AHCYL2: variants seen among roughly 807,000 people sequenced by gnomAD.
The protein encoded by AHCYL2 is adenosylhomocysteinase like 2.
AHCYL2 carries 28 observed loss-of-function variants against 81.4 expected under a neutral mutation model. The ratio of observed to expected loss-of-function variants is 0.34; its 90% CI spans 0.25 to 0.47. AHCYL2 has a LOEUF of 0.47. Among genes scored for constraint, AHCYL2 ranks in the 20% least tolerant of loss-of-function variants. The pLI is 1.00. For missense variants in AHCYL2, 551 were observed against 785.1 expected (o/e 0.70, Z 3.56); for synonymous variants, 272 against 290.2 (o/e 0.94, Z 0.64).
chr7:129,240,606 T>A (rs1680171813), intron 1 of AHCYL2, among the ~76,000 whole-genome samples: 1 of 152,016 alleles, frequency 6.6e-6, no homozygotes, highest in Admixed American at 6.6e-5. Context: ...TTGTTTTCAG[T>A]TTGATGCACT....
At chr7:129,318,666 G>T (rs558948066) in intron 1 of AHCYL2, among the ~76,000 whole-genome samples, 1 of 152,170 alleles carries the variant, frequency 6.6e-6, no homozygotes, top group African/African-American at 2.4e-5. Flanking sequence ...AATATTAAAT[G>T]TAAGAAATGG....
intron 1 of AHCYL2, chr7:129,377,767 A>G (rs1053560406): frequency 2.4e-5 from 9 of 373,568 alleles, no homozygotes; most frequent in Admixed American, 6.5e-5. Context: ...TCCCCAAACA[A>G]GTATAGCTTA....
chr7:129,255,488 C>T (rs1795383267), intron 1 of AHCYL2, among the ~76,000 whole-genome samples: 1 of 152,160 alleles, frequency 6.6e-6, no homozygotes, highest in Non-Finnish European at 1.5e-5. Flanking sequence ...TGGTTAGTAA[C>T]TATCTATTGG....
chr7:129,292,504 C>T (rs1796902310), intron 1 of AHCYL2, among the ~76,000 whole-genome samples: 1 of 152,150 alleles, frequency 6.6e-6, no homozygotes, highest in South Asian at 2.1e-4. Flanking sequence ...CGGTGGCTCA[C>T]GCCTGTAATC....
chr7:129,403,541 A>C (rs1796130554), intron 7 of AHCYL2, 56 bp downstream of exon 7: 1 of 1,278,572 alleles, frequency 7.8e-7, no homozygotes, highest in African/African-American at 1.5e-5. Flanking sequence ...AAAATCTTAT[A>C]AACACATACC....
chr7:129,253,394 C>T (rs1190155954), intron 1 of AHCYL2, among the ~76,000 whole-genome samples: 4 of 152,046 alleles, frequency 2.6e-5, no homozygotes, highest in Admixed American at 6.6e-5. Context: ...TTAATTCTTA[C>T]GGTAGCACTG....
intron 1 of AHCYL2, among the ~76,000 whole-genome samples, chr7:129,241,849 C>T (rs759503364): frequency 6.6e-6 from 1 of 151,652 alleles, no homozygotes; most frequent in Non-Finnish European, 1.5e-5. Flanking sequence ...GAGACCCTAT[C>T]TCTATTTTTT....
rs921468121 is a variant in AHCYL2 at position 129,328,997 on chromosome 7, T to C, written c.364-50641T>C. 3.5e-4 allele frequency among the ~76,000 whole-genome samples: 54 copies of C among 152,314 alleles called. 1 individual carries two copies. ...ACTTGAATGTGGATTTTAAATTTTT[T>C]AAAATGAAATATCTGCCTGGGACAC... On this transcript the variant is annotated intron_variant, in intron 1 of 16. Coordinates refer to ENST00000325006, the MANE Select transcript of AHCYL2 (RefSeq NM_015328.4).
At chr7:129,372,730 C>T (rs2150866572) in intron 1 of AHCYL2, among the ~76,000 whole-genome samples, 1 of 152,272 alleles carries the variant, frequency 6.6e-6, no homozygotes, top group East Asian at 1.9e-4. Flanking sequence ...AAGAGAATCA[C>T]TTGAACTCTG....
chr7:129,429,834 C>T lies in AHCYL2; in HGVS notation c.*2789C>T, dbSNP rs1373204781. On this transcript the variant is annotated 3_prime_UTR_variant, in exon 17 of 17. Coordinates refer to ENST00000325006, the MANE Select transcript of AHCYL2 (RefSeq NM_015328.4). ...CTCCTGCAAAGCTTTTATGCTGCTT[C>T]GCTTTTCTCTAAACAGATCTGATAT... The T allele has an allele frequency of 1.3e-5, 2 of 152,566 alleles. No homozygotes were observed. The highest frequency in any genetic ancestry group is 4.8e-5 in the African/African-American group (2 of 41,428). 9.5% of individuals were successfully genotyped at this position (152,566 alleles called of 1,614,324 possible).
chr7:129,344,288 T>C (rs1312228338), intron 1 of AHCYL2, among the ~76,000 whole-genome samples: 2 of 152,146 alleles, frequency 1.3e-5, no homozygotes, highest in Admixed American at 1.3e-4. Context: ...TGAAGACCTA[T>C]ACACAAGTGT....
At chr7:129,414,047 T>TG (rs1563245916) in intron 12 of AHCYL2, among the ~76,000 whole-genome samples, 1 of 152,190 alleles carries the variant, frequency 6.6e-6, no homozygotes, top group African/African-American at 2.4e-5. Flanking sequence ...GTCAGTATTT[T>TG]GGGGGTGTTT....
At chr7:129,410,916 A>G (rs1364446589) in intron 11 of AHCYL2, among the ~76,000 whole-genome samples, 1 of 152,118 alleles carries the variant, frequency 6.6e-6, no homozygotes, top group Non-Finnish European at 1.5e-5. Context: ...TTCTTGGTTC[A>G]TATCAATCCC....
At chr7:129,367,664 T>G (rs1278539383) in intron 1 of AHCYL2, among the ~76,000 whole-genome samples, 1 of 152,206 alleles carries the variant, frequency 6.6e-6, no homozygotes, top group Non-Finnish European at 1.5e-5. Flanking sequence ...TACACTGTGG[T>G]GGCTTCTGAC....
intron 1 of AHCYL2, among the ~76,000 whole-genome samples, chr7:129,296,733 A>C (rs1797061938): frequency 6.6e-6 from 1 of 152,074 alleles, no homozygotes. Flanking sequence ...TAAATAAGAA[A>C]TTTTGGCTTC....
Position 129,413,694 on chromosome 7 carries a change from A to T in AHCYL2, c.1461+6A>T. On this transcript the variant is annotated splice_donor_region_variant and intron_variant, in intron 12 of 16. Transcript: ENST00000325006. ...CCAACACAGAGATTGACGTGGTAAG[A>T]TCAAGTAGCTCATTATTGGGGGCTT... The T allele has an allele frequency of 6.2e-7, 1 of 1,612,692 alleles. No individual in the cohort carries two copies. Among genetic ancestry groups the T allele is most frequent in the Non-Finnish European group, 8.5e-7 (1 of 1,178,836 alleles).
intron 1 of AHCYL2, among the ~76,000 whole-genome samples, chr7:129,268,397 G>A (rs1167717416): frequency 6.6e-6 from 1 of 152,080 alleles, no homozygotes; most frequent in Admixed American, 6.5e-5. Context: ...GCCCAGGCTG[G>A]AGTGCAGTGG....
chr7:129,353,850 A>G (rs1241226940), intron 1 of AHCYL2, among the ~76,000 whole-genome samples: 2 of 151,856 alleles, frequency 1.3e-5, no homozygotes, highest in East Asian at 3.8e-4. Context: ...GGGACCAAAA[A>G]GAGAAGCCCA....
At chr7:129,413,984 G>T (rs547722051) in intron 12 of AHCYL2, among the ~76,000 whole-genome samples, 1 of 152,310 alleles carries the variant, frequency 6.6e-6, no homozygotes. Context: ...AAACTACAAT[G>T]AATGATAGAA....
Sources: gnomAD v4.1 joint callset for allele counts (sites outside exome capture counted in the v4.1 genomes callset) on GRCh38, gnomAD v4.1.1 for gene constraint, MANE v1.5 for transcripts, NCBI Gene and HGNC (gene_info 2026-07-23, HGNC 2026-07-21) for gene names.